Variants in LMO7 observed in about 807,000 individuals in gnomAD.
The protein encoded by LMO7 is LIM domain 7, also known as LIM domain only protein 7.
LMO7 carries 120 observed loss-of-function variants against 206.5 expected under a neutral mutation model. The ratio of observed to expected loss-of-function variants is 0.58; its 90% CI spans 0.50 to 0.68. The LOEUF (loss-of-function observed/expected upper bound fraction) is 0.68. Among genes scored for constraint, LMO7 ranks in the 30% least tolerant of loss-of-function variants. The pLI is 0.00. For synonymous variants in LMO7, 706 were observed against 681.5 expected, an observed-to-expected ratio of 1.04 and a Z score of -0.56; for missense variants, 1,959 against 1,957.9, an observed-to-expected ratio of 1.00 and a Z score of -0.01.
chr13:75,804,405 C>T lies in LMO7; in HGVS notation c.778C>T (p.Arg260Cys), dbSNP rs138809597. The T allele has an allele frequency of 2.0e-5, 33 of 1,614,020 alleles. No individual in the cohort carries two copies. The African/African-American group carries it at 3.1e-4, about 15-fold the overall frequency. ...GCCAAAGACTGCGTTACCCTTCAAT[C>T]GTTTTTTACCCAACAAAAGTAGACA... ...VEPKTALPFN[R>C]FLPNKSRQPS... Residue 260 changes from arginine (R) to cysteine (C), a missense_variant, in exon 8 of 31, where the codon CGT becomes TGT. Physicochemically the swap from Arg to Cys is radical, Grantham distance 180. Transcript: ENST00000377534.
intron 1 of LMO7, among the ~76,000 whole-genome samples, chr13:75,648,022 AC>A (rs1294460807): frequency 1.5e-5 from 2 of 134,452 alleles, no homozygotes; most frequent in Non-Finnish European, 3.0e-5. Flanking sequence ...ATCATAGCTG[AC>A]TACAGGCTTG....
chr13:75,638,983 TATATGTATGTACATATATAC>T (rs1394631334), intron 1 of LMO7, among the ~76,000 whole-genome samples: 1 of 152,216 alleles, frequency 6.6e-6, no homozygotes, highest in African/African-American at 2.4e-5. Flanking sequence ...GTATATATTG[TATATGTATGTACATATATAC>T]ATATGTATTA....
intron 1 of LMO7, among the ~76,000 whole-genome samples, chr13:75,712,438 A>G (rs760136096): frequency 1.8e-4 from 28 of 152,106 alleles, no homozygotes; most frequent in Non-Finnish European, 3.7e-4. Context: ...CCCCTGTGGA[A>G]TCCCCTTTTC....
chr13:75,668,231 A>G (rs1163018289), intron 1 of LMO7, among the ~76,000 whole-genome samples: 6 of 151,926 alleles, frequency 3.9e-5, no homozygotes, highest in Non-Finnish European at 7.4e-5. Flanking sequence ...AAAACAAAAA[A>G]CAAAACCAGG....
At chr13:75,738,511 A>G (rs1156447051) in intron 3 of LMO7, among the ~76,000 whole-genome samples, 1 of 152,166 alleles carries the variant, frequency 6.6e-6, no homozygotes, top group Non-Finnish European at 1.5e-5. Context: ...TTATAGAGAT[A>G]GGGCTTTTCT....
chr13:75,796,687 T>TA lies in LMO7; in HGVS notation c.401dup (p.Tyr134Ter), dbSNP rs2054057050. ...AAGAAAAGCACAAAGCAACCCGTAC[T>TA]ATAATGGTCCCCATCTTAATTTGAA... is the stretch of plus-strand genomic sequence containing the variant. ...LGRKAQSNPY[Y>*]NGPHLNLKAF... The change falls in exon 6 of 31, where the codon TAT becomes TAAT. Residue 134 changes from tyrosine (Y) to a stop codon, truncating the protein, a stop_gained and frameshift_variant. Transcript: ENST00000377534. LOFTEE classifies it high-confidence loss of function. The TA allele has an allele frequency of 1.2e-6, 2 of 1,613,840 alleles. No homozygotes were observed. The highest frequency in any genetic ancestry group is 1.7e-6 in the Non-Finnish European group (2 of 1,179,844).
intron 1 of LMO7, among the ~76,000 whole-genome samples, chr13:75,647,870 T>A (rs575732771): frequency 6.6e-6 from 1 of 151,962 alleles, no homozygotes; most frequent in Non-Finnish European, 1.5e-5. Context: ...AAGGATTTTG[T>A]TCAGAAGTGA....
intron 1 of LMO7, among the ~76,000 whole-genome samples, chr13:75,705,054 T>G (rs1344436205): frequency 6.6e-6 from 1 of 152,234 alleles, no homozygotes; most frequent in Non-Finnish European, 1.5e-5. Flanking sequence ...AAGACAGGTT[T>G]GGCAGAGGTG....
In LMO7 at chr13:75,858,932, G is replaced by T. The variant is rs1390785947; in HGVS notation, c.*989G>T. ...GGAAGTTTATTTTTGATAAAGTTAT[G>T]TTTTTGGATACAATATATTTGTATG... On this transcript the variant is annotated 3_prime_UTR_variant, in exon 31 of 31. Coordinates refer to ENST00000377534, the MANE Select transcript of LMO7 (RefSeq NM_001306080.2). The T allele has an allele frequency of 6.6e-6, 1 of 152,144 alleles. No individual in the cohort carries two copies. The highest frequency in any genetic ancestry group is 1.5e-5 in the Non-Finnish European group (1 of 68,020). The allele number at this position is 152,144 out of a possible 1,614,324, so 9.4% of individuals were successfully genotyped here.
rs149304325 is a variant in LMO7, at chr13:75,853,384, A to G, written c.4657A>G (p.Asn1553Asp). Residue 1553 changes from asparagine to aspartate, a missense_variant, in exon 28 of 31, where the codon AAC becomes GAC. Transcript: ENST00000377534. ...SASQSGSQLRNRSVSGKRICS... is the reference protein window; with the variant it reads ...SASQSGSQLRDRSVSGKRICS... ...TTCACAGTCAGGCTCTCAGCTGCGT[A>G]ACAGGTGAGGCCCTTGCTGTTTCTC... is the stretch of plus-strand genomic sequence containing the variant. 263 of 1,597,730 alleles carry G rather than the reference A, an allele frequency of 1.6e-4. No homozygotes were observed. Among genetic ancestry groups the G allele is most frequent in the Middle Eastern group, 3.6e-4 (2 of 5,510 alleles).
intron 2 of LMO7, among the ~76,000 whole-genome samples, chr13:75,630,562 T>C (rs1454561409): frequency 6.6e-6 from 1 of 152,138 alleles, no homozygotes; most frequent in Non-Finnish European, 1.5e-5. Flanking sequence ...TAGTCCCAGG[T>C]ACTCGGGAGG....
chr13:75,776,066 A>G (rs911481278), intron 4 of LMO7, among the ~76,000 whole-genome samples: 2 of 145,994 alleles, frequency 1.4e-5, no homozygotes, highest in African/African-American at 2.5e-5. Context: ...GTGTCCATCA[A>G]TGGATGATTG....
rs763529086 is a variant in LMO7 at position 75,841,922 on chromosome 13, G to A, written c.3970G>A (p.Glu1324Lys). 3 of 1,613,418 alleles carry A rather than the reference G, an allele frequency of 1.9e-6. No individual in the cohort carries two copies. Among genetic ancestry groups the A allele is most frequent in the South Asian group, 2.2e-5 (2 of 91,050 alleles). ...EAEEQKRPAE[E>K]QKRQAEIERE... The stretch of plus-strand genomic sequence containing the variant: ...TGAGGAGCAGAAGCGTCCTGCGGAG[G>A]AGCAGAAGCGCCAGGCAGAGATAGA... Residue 1324 changes from glutamate to lysine, a missense_variant, in exon 24 of 31, where the codon GAG (glutamate) becomes AAG (lysine). Transcript: ENST00000377534.
intron 4 of LMO7, among the ~76,000 whole-genome samples, chr13:75,774,693 C>T (rs2050153099): frequency 6.6e-6 from 1 of 152,006 alleles, no homozygotes; most frequent in South Asian, 2.1e-4. Context: ...CATTTGCCAA[C>T]TTCTTACAAC....
Position 75,800,844 on chromosome 13 carries a change from G to T in LMO7, c.623G>T (p.Ser208Ile), listed in dbSNP as rs749703844. The T allele has an allele frequency of 1.8e-5, 29 of 1,613,836 alleles. No individual in the cohort carries two copies. In the Admixed American group the frequency reaches 4.7e-4, roughly 26 times the overall value. Residue 208 changes from serine to isoleucine, a missense_variant, in exon 7 of 31, where the codon AGC (serine) becomes ATC (isoleucine). By Grantham distance (142) the Ser-to-Ile change is moderately radical. Transcript: ENST00000377534. ...LDSLGSRSLT[S>I]CSSDITLRGG... is the part of the protein sequence containing the mutation. ...TCTTTGGGCTCGAGGTCATTGACAAGCTGCTCCTCTGATATCACGTTGAGA... is the reference window on the plus strand; with the variant it reads ...TCTTTGGGCTCGAGGTCATTGACAATCTGCTCCTCTGATATCACGTTGAGA...
chr13:75,697,731 T>G (rs2042004186), intron 1 of LMO7, among the ~76,000 whole-genome samples: 1 of 152,228 alleles, frequency 6.6e-6, no homozygotes, highest in Non-Finnish European at 1.5e-5. Context: ...ATGCTTCAAC[T>G]TTTATAACCT....
chr13:75,629,310 G>A (rs772928613), intron 2 of LMO7, among the ~76,000 whole-genome samples: 19 of 152,130 alleles, frequency 1.2e-4, no homozygotes, highest in Non-Finnish European at 7.4e-5. Context: ...ATAAACAGTT[G>A]TTGAATACTA....
intron 10 of LMO7, 23 bp from the exon 11 acceptor site, chr13:75,809,131 T>G (rs751392804): frequency 1.3e-6 from 2 of 1,596,532 alleles, no homozygotes; most frequent in Admixed American, 3.3e-5. Flanking sequence ...GACTTTTTAA[T>G]TTTTGGTTTT....
At chr13:75,854,317 C>T (rs931072418) in intron 28 of LMO7, among the ~76,000 whole-genome samples, 6 of 152,150 alleles carry the variant, frequency 3.9e-5, no homozygotes, top group Non-Finnish European at 8.8e-5. Flanking sequence ...AATAATTTTA[C>T]AGGTACTAGT....
Sources: gnomAD v4.1 joint callset for allele counts (sites outside exome capture counted in the v4.1 genomes callset) on GRCh38, gnomAD v4.1.1 for gene constraint, MANE v1.5 for transcripts, NCBI Gene and HGNC (gene_info 2026-07-23, HGNC 2026-07-21) for gene names.